CPS1: variants seen among roughly 807,000 people sequenced by gnomAD.
CPS1 encodes the protein carbamoyl-phosphate synthase [ammonia], mitochondrial.
A neutral mutation model predicts 174.6 loss-of-function variants in CPS1; 109 were observed. That is an observed-to-expected ratio of 0.62 (90% CI 0.53 to 0.73). CPS1 has a LOEUF of 0.73. CPS1 is among the 30% of genes least tolerant of loss of function. The pLI is 0.00. For missense variants in CPS1, 1,689 were observed against 1,821.9 expected, an observed-to-expected ratio of 0.93 and a Z score of 1.33; for synonymous variants, 637 against 632.0, an observed-to-expected ratio of 1.01 and a Z score of -0.12.
At chr2:210,668,076 A>ATGTGTGTGTGTG (rs3217217) in intron 33 of CPS1, 110 bp from the exon 34 acceptor site, 25 of 664,164 alleles carry the variant, frequency 3.8e-5, no homozygotes, top group African/African-American at 2.8e-4. Context: ...TTGTGCGTGC[A>ATGTGTGTGTGTG]TGTGTGTGTG....
At chr2:210,583,123 A>G (rs562058616) in intron 6 of CPS1, among the ~76,000 whole-genome samples, 1 of 152,246 alleles carries the variant, frequency 6.6e-6, no homozygotes, top group Non-Finnish European at 1.5e-5. Context: ...ATCTGGGGGC[A>G]TTTTGTGCAG....
intron 25 of CPS1, among the ~76,000 whole-genome samples, chr2:210,644,525 A>G (rs1034183951): frequency 6.6e-6 from 1 of 152,140 alleles, no homozygotes. Context: ...ATAAAGCATC[A>G]TCCTTCTCAT....
chr2:210,509,669 A>G (rs1366978776), intron 1 of CPS1, among the ~76,000 whole-genome samples: 2 of 152,222 alleles, frequency 1.3e-5, no homozygotes, highest in Non-Finnish European at 1.5e-5. Flanking sequence ...GCTGATAGGC[A>G]ACTTCAGCAA....
chr2:210,550,732 T>C (rs1456276536), intron 1 of CPS1, among the ~76,000 whole-genome samples: 1 of 151,920 alleles, frequency 6.6e-6, no homozygotes, highest in Non-Finnish European at 1.5e-5. Context: ...TAGATGCAGA[T>C]AATATACTAA....
At chr2:210,612,758 T>A (rs368999195) in intron 20 of CPS1, among the ~76,000 whole-genome samples, 49 of 152,088 alleles carry the variant, frequency 3.2e-4, no homozygotes, top group African/African-American at 1.2e-3. Flanking sequence ...TCTTTCTGTG[T>A]TTAAAAAACA....
chr2:210,607,173 A>G (rs1559103162), intron 18 of CPS1, among the ~76,000 whole-genome samples: 1 of 151,960 alleles, frequency 6.6e-6, no homozygotes, highest in Non-Finnish European at 1.5e-5. Context: ...TAAACGAATC[A>G]AAATCTAGGT....
At chr2:210,629,689 G>A (rs1414700432) in intron 21 of CPS1, among the ~76,000 whole-genome samples, 2 of 151,680 alleles carry the variant, frequency 1.3e-5, no homozygotes, top group African/African-American at 4.8e-5. Context: ...TTTCATCTTG[G>A]TAAAGACGAA....
chr2:210,561,864 G>C (rs896230155), intron 1 of CPS1, among the ~76,000 whole-genome samples: 2 of 151,962 alleles, frequency 1.3e-5, no homozygotes, highest in Non-Finnish European at 2.9e-5. Flanking sequence ...GCTATACATT[G>C]ATCTTTTAAA....
chr2:210,515,519 C>A (rs1695659042), intron 1 of CPS1, among the ~76,000 whole-genome samples: 1 of 150,780 alleles, frequency 6.6e-6, no homozygotes, highest in African/African-American at 2.4e-5. Flanking sequence ...CTCTGAGAAT[C>A]TTTTGTATTT....
upstream of CPS1, among the ~76,000 whole-genome samples, chr2:210,552,355 T>C (rs1427492941): frequency 6.6e-6 from 1 of 152,016 alleles, no homozygotes; most frequent in Non-Finnish European, 1.5e-5. Context: ...ATTTTATTTG[T>C]TCCTGCTTAA....
intron 7 of CPS1, among the ~76,000 whole-genome samples, chr2:210,588,611 A>C: frequency 6.6e-6 from 1 of 152,092 alleles, no homozygotes. Context: ...TTAAACCTTA[A>C]AAATTCTCAA....
chr2:210,623,416 G>A (rs895521236), intron 21 of CPS1, among the ~76,000 whole-genome samples: 23 of 150,714 alleles, frequency 1.5e-4, no homozygotes, highest in African/African-American at 5.7e-4. Flanking sequence ...TATTCTGTAG[G>A]TTTCATGTGG....
upstream of CPS1, among the ~76,000 whole-genome samples, chr2:210,553,859 C>T (rs1696793770): frequency 6.6e-6 from 1 of 151,344 alleles, no homozygotes. Context: ...TATTTTTTTC[C>T]AGTTTGGTTA....
At chr2:210,640,513 G>T (rs188996542) in intron 24 of CPS1, among the ~76,000 whole-genome samples, 1 of 152,080 alleles carries the variant, frequency 6.6e-6, no homozygotes, top group Non-Finnish European at 1.5e-5. Flanking sequence ...CAAAAATCTT[G>T]TCTGTTTGGT....
chr2:210,663,064 A>T, intron 32 of CPS1, 59 bp from the exon 33 acceptor site: 1 of 1,450,012 alleles, frequency 6.9e-7, no homozygotes, highest in Non-Finnish European at 9.7e-7. Context: ...ATCCTCTCTT[A>T]TTCATTTTCT....
intron 21 of CPS1, among the ~76,000 whole-genome samples, chr2:210,632,155 G>A (rs1289311957): frequency 8.6e-5 from 13 of 152,008 alleles, no homozygotes; most frequent in Admixed American, 8.5e-4. Flanking sequence ...TTATAGCCTT[G>A]TTTTGAAAAT....
chr2:210,562,250 A>G (rs2287603), intron 1 of CPS1, among the ~76,000 whole-genome samples: 25,947 of 152,164 alleles, frequency 0.17, 2,907 homozygotes, highest in East Asian at 0.38. Context: ...AAGTAAATTA[A>G]CCTTTTGATT....
chr2:210,548,519 A>G (rs1001511907), intron 1 of CPS1, among the ~76,000 whole-genome samples: 11 of 152,102 alleles, frequency 7.2e-5, no homozygotes, highest in Non-Finnish European at 4.4e-5. Flanking sequence ...ACAATACCAG[A>G]ATAAAACATT....
intron 19 of CPS1, among the ~76,000 whole-genome samples, chr2:210,609,082 A>G (rs1699023047): frequency 6.6e-6 from 1 of 151,936 alleles, no homozygotes; most frequent in South Asian, 2.1e-4. Context: ...AAAATTCTAA[A>G]TTGATATGAG....
Sources: gnomAD v4.1 joint callset for allele counts (sites outside exome capture counted in the v4.1 genomes callset) on GRCh38, gnomAD v4.1.1 for gene constraint, MANE v1.5 for transcripts, NCBI Gene and HGNC (gene_info 2026-07-23, HGNC 2026-07-21) for gene names.